The following GUSB variants were observed in gnomAD, a reference collection of about 807,000 sequenced individuals.
GUSB encodes the protein glucuronidase beta.
GUSB carries 51 observed loss-of-function variants against 74.6 expected under a neutral mutation model. That is an observed-to-expected ratio of 0.68 (90% CI 0.55 to 0.86). GUSB has a LOEUF of 0.86. Ranked by LOEUF, GUSB falls within the 40% of genes least tolerant of loss-of-function variation. The pLI, the probability that GUSB is intolerant of heterozygous loss-of-function variation, is 0.00. For missense variants in GUSB, 736 were observed against 853.7 expected (o/e 0.86, Z 1.72); for synonymous variants, 360 against 348.3 (o/e 1.03, Z -0.37).
rs766019399 is a variant in GUSB, at chr7:65,960,951, C to T, written c.1902G>A (p.Arg634=). 6.2e-7 allele frequency: 1 copy of T among 1,613,900 alleles called. No homozygotes were observed. Among genetic ancestry groups the T allele is most frequent in the South Asian group, 1.1e-5 (1 of 91,074 alleles). The stretch of plus-strand genomic sequence containing the variant: ...GTGACTTGGCTACTGAGTGGGGATA[C>T]CTGGTTTCATTGGCAATCTTCCAGT... ...ERYWKIANET[R]YPHSVAKSQC... is the part of the protein sequence containing the mutation. Residue 634 remains arginine, a synonymous_variant, in exon 12 of 12, where the codon AGG becomes AGA. Transcript: ENST00000304895.
chr7:65,980,633 A>C, intron 1 of GUSB: 2 of 572,086 alleles, frequency 3.5e-6, no homozygotes, highest in Non-Finnish European at 6.3e-6. Flanking sequence ...GGGGCACAAT[A>C]TCTCCTGAGA....
At chr7:65,980,145 G>C (rs780304108) in intron 2 of GUSB, 79 bp downstream of exon 2, 29 of 1,348,290 alleles carry the variant, frequency 2.2e-5, no homozygotes, top group Non-Finnish European at 2.9e-5. Context: ...CATACATGCC[G>C]TGGGTGGCAG....
chr7:65,971,723 T>A (rs1583912361), intron 8 of GUSB, among the ~76,000 whole-genome samples: 1 of 127,214 alleles, frequency 7.9e-6, no homozygotes, highest in African/African-American at 3.1e-5. Flanking sequence ...CAAGCAAGAC[T>A]CCATCTTGCG....
chr7:65,962,663 G>A (rs1052828034), intron 11 of GUSB, among the ~76,000 whole-genome samples: 22 of 151,954 alleles, frequency 1.4e-4, no homozygotes, highest in African/African-American at 4.3e-4. Flanking sequence ...ACCTGAGGTC[G>A]GTAGTTCAAG....
intron 11 of GUSB, among the ~76,000 whole-genome samples, chr7:65,962,879 AAAAG>A (rs987727040): frequency 2.0e-5 from 3 of 152,068 alleles, no homozygotes; most frequent in East Asian, 1.9e-4. Context: ...TCAAAAAAAA[AAAAG>A]AGTCTCACTC....
Position 65,979,165 on chromosome 7 carries a change from C to A in GUSB, c.724+234G>T, listed in dbSNP as rs527489379. Among the ~76,000 whole-genome samples, 71 of 152,250 alleles carry A rather than the reference C, an allele frequency of 4.7e-4. 1 individual carries two copies. The highest frequency in any genetic ancestry group is 3.4e-3 in the Middle Eastern group (1 of 294). On this transcript the variant is annotated intron_variant, in intron 4 of 11. Coordinates refer to ENST00000304895, the MANE Select transcript of GUSB (RefSeq NM_000181.4). ...ATAGAGAAGGGACAGGATTGCCACCCCGAGCTGTGTGACGTTAGGCCAGAC... is the reference window on the plus strand; with the variant it reads ...ATAGAGAAGGGACAGGATTGCCACCACGAGCTGTGTGACGTTAGGCCAGAC...
chr7:65,967,568 C>A (rs1017273259), intron 10 of GUSB, among the ~76,000 whole-genome samples, 163 bp downstream of exon 10: 1 of 152,148 alleles, frequency 6.6e-6, no homozygotes, highest in African/African-American at 2.4e-5. Flanking sequence ...GAGTGGGGCA[C>A]AGGCCTGGCT....
At chr7:65,977,725 C>T (rs1043696506) in intron 4 of GUSB, among the ~76,000 whole-genome samples, 1 of 151,578 alleles carries the variant, frequency 6.6e-6, no homozygotes, top group African/African-American at 2.4e-5. Flanking sequence ...GGCCCCACAA[C>T]GGCTGTCAAT....
In GUSB at chr7:65,979,925, A is replaced by T. The variant is rs1352770374; in HGVS notation, c.397-14T>A. 6.4e-7 allele frequency: 1 copy of T among 1,571,836 alleles called. No homozygotes were observed. The highest frequency in any genetic ancestry group is 8.6e-7 in the Non-Finnish European group (1 of 1,161,598). ...CCCATTCACCCACTGCAGACACAGG[A>T]GATACGGGGAGGGGGCTGCAGGTCA... On this transcript the variant is annotated splice_polypyrimidine_tract_variant and intron_variant, in intron 2 of 11. Transcript: ENST00000304895.
At chr7:65,981,951 C>T in intron 1 of GUSB, 23 bp downstream of exon 1, 1 of 1,592,052 alleles carries the variant, frequency 6.3e-7, no homozygotes, top group Non-Finnish European at 8.5e-7. Context: ...CGGGCGCCTC[C>T]CGGCCCTGCC....
chr7:65,962,010 A>C (rs929258276), intron 11 of GUSB, among the ~76,000 whole-genome samples: 1 of 152,098 alleles, frequency 6.6e-6, no homozygotes, highest in Non-Finnish European at 1.5e-5. Context: ...TCCAAAAAAA[A>C]AAAAAGCACT....
chr7:65,970,550 A>C (rs1791130285), intron 8 of GUSB, among the ~76,000 whole-genome samples, 184 bp from the exon 9 acceptor site: 1 of 150,968 alleles, frequency 6.6e-6, no homozygotes, highest in Admixed American at 6.6e-5. Context: ...TCAGGAGTTC[A>C]AGATCAGCCT....
chr7:65,972,788 G>A (rs1791299266), intron 8 of GUSB, among the ~76,000 whole-genome samples: 1 of 152,032 alleles, frequency 6.6e-6, no homozygotes, highest in African/African-American at 2.4e-5. Context: ...CTTCCCCTTC[G>A]CAACAAAGGG....
chr7:65,975,382 TA>T (rs914656708), intron 5 of GUSB: 407 of 378,390 alleles, frequency 1.1e-3, no homozygotes, highest in Non-Finnish European at 1.3e-3. Flanking sequence ...CCCATCTCTA[TA>T]AAAAAAAAAT....
chr7:65,963,694 C>T (rs1790649376), intron 11 of GUSB, among the ~76,000 whole-genome samples: 1 of 152,192 alleles, frequency 6.6e-6, no homozygotes, highest in Admixed American at 6.5e-5. Flanking sequence ...TACAGGCACA[C>T]ACCACCACGC....
intron 9 of GUSB, among the ~76,000 whole-genome samples, chr7:65,969,933 C>T (rs1034753194): frequency 6.6e-6 from 1 of 152,188 alleles, no homozygotes; most frequent in Non-Finnish European, 1.5e-5. Context: ...TATGCCCAGC[C>T]TCCTTGGATT....
intron 9 of GUSB, among the ~76,000 whole-genome samples, chr7:65,968,607 A>G (rs1790998170): frequency 6.6e-6 from 1 of 152,144 alleles, no homozygotes; most frequent in Admixed American, 6.5e-5. Flanking sequence ...TGTTTTGGAG[A>G]CAGAGTCTCG....
Position 65,979,930 on chromosome 7 carries a change from C to T in GUSB, c.397-19G>A, listed in dbSNP as rs759668020. 7.0e-6 allele frequency: 11 copies of T among 1,565,922 alleles called. No individual in the cohort carries two copies. The highest frequency in any genetic ancestry group is 4.3e-4 in the Middle Eastern group (2 of 4,618). On this transcript the variant is annotated intron_variant, in intron 2 of 11. Transcript: ENST00000304895. ...TCACCCACTGCAGACACAGGAGATA[C>T]GGGGAGGGGGCTGCAGGTCAGGGCA...
At chr7:65,968,893 G>A (rs1331336881) in intron 9 of GUSB, among the ~76,000 whole-genome samples, 1 of 152,118 alleles carries the variant, frequency 6.6e-6, no homozygotes, top group Non-Finnish European at 1.5e-5. Flanking sequence ...GGCTGTCACA[G>A]AGGATCTTGA....
Sources: allele counts gnomAD v4.1 joint callset (sites outside exome capture counted in the v4.1 genomes callset), GRCh38; gene constraint gnomAD v4.1.1; transcripts MANE v1.5; gene names NCBI Gene and HGNC (gene_info 2026-07-23, HGNC 2026-07-21).